Variants in CTNNA2 observed in about 807,000 individuals in gnomAD.
The protein encoded by CTNNA2 is catenin alpha 2.
Under a neutral mutation model 101.0 loss-of-function variants are expected in CTNNA2, and 42 were observed. The ratio of observed to expected loss-of-function variants is 0.42; its 90% CI spans 0.32 to 0.54. The LOEUF is 0.54. Ranked by LOEUF, CTNNA2 falls within the 20% of genes least tolerant of loss-of-function variation. CTNNA2 has a pLI of 0.14. For synonymous variants in CTNNA2, 450 were observed against 456.4 expected, an observed-to-expected ratio of 0.99 and a Z score of 0.18; for missense variants, 871 against 1,223.1, an observed-to-expected ratio of 0.71 and a Z score of 4.29.
intron 1 of CTNNA2, among the ~76,000 whole-genome samples, chr2:79,595,125 C>T (rs545895682): frequency 2.0e-5 from 3 of 152,240 alleles, no homozygotes; most frequent in South Asian, 2.1e-4. Context: ...TAGCCAGTTT[C>T]GACTGTCATA....
intron 7 of CTNNA2, among the ~76,000 whole-genome samples, chr2:80,168,725 A>G (rs772927687): frequency 3.9e-5 from 6 of 152,110 alleles, no homozygotes; most frequent in African/African-American, 1.4e-4. Flanking sequence ...TGCTTTCCAT[A>G]TCAATTAAAT....
chr2:80,538,123 A>G (rs1482595528), intron 9 of CTNNA2, among the ~76,000 whole-genome samples: 4 of 151,190 alleles, frequency 2.6e-5, no homozygotes, highest in Non-Finnish European at 5.9e-5. Context: ...TGGAAATTAG[A>G]TCTTTGTCAG....
At chr2:79,788,429 GACA>G (rs1321589481) in intron 3 of CTNNA2, among the ~76,000 whole-genome samples, 1 of 152,100 alleles carries the variant, frequency 6.6e-6, no homozygotes, top group Admixed American at 6.6e-5. Flanking sequence ...CATAAGAAAT[GACA>G]ACATTAATGA....
chr2:80,412,638 G>C (rs1243917733), intron 8 of CTNNA2, among the ~76,000 whole-genome samples: 1 of 152,138 alleles, frequency 6.6e-6, no homozygotes, highest in African/African-American at 2.4e-5. Flanking sequence ...CAACAGTGTA[G>C]TGTTAACAGT....
intron 7 of CTNNA2, among the ~76,000 whole-genome samples, chr2:80,225,891 G>A (rs1276206302): frequency 3.3e-5 from 5 of 152,144 alleles, no homozygotes. Flanking sequence ...GTGGATTTGT[G>A]TTGTTTTAAG....
chr2:80,575,056 A>T lies in CTNNA2; in HGVS notation c.1893+742A>T, dbSNP rs1694921873. 7 of 152,358 alleles carry T rather than the reference A, an allele frequency of 4.6e-5. No individual in the cohort carries two copies. The South Asian group carries it at 1.4e-3, about 32-fold the overall frequency. 9.4% of individuals were successfully genotyped at this position (152,358 alleles called of 1,614,324 possible). A position where few individuals can be genotyped will look rare whatever the true frequency, so the allele number is the denominator to read the frequency against. ...TTTAACTGCTGTATAATCCATTATA[A>T]GATGACTTTTTTCTCCTTATCTTAC... On this transcript the variant is annotated intron_variant, in intron 13 of 18. Transcript: ENST00000402739.
intron 2 of CTNNA2, among the ~76,000 whole-genome samples, chr2:79,225,720 G>C (rs1002584862): frequency 6.6e-6 from 1 of 152,118 alleles, no homozygotes; most frequent in Admixed American, 6.6e-5. Flanking sequence ...GAATGAGATT[G>C]GTTTCCACTG....
intron 7 of CTNNA2, among the ~76,000 whole-genome samples, chr2:80,195,400 T>C (rs1326093609): frequency 6.6e-6 from 1 of 152,198 alleles, no homozygotes; most frequent in East Asian, 1.9e-4. Flanking sequence ...TATTTTGGTT[T>C]GTGAATCTTG....
intron 9 of CTNNA2, among the ~76,000 whole-genome samples, chr2:80,498,299 G>A (rs533630837): frequency 2.6e-5 from 4 of 152,212 alleles, no homozygotes; most frequent in Non-Finnish European, 5.9e-5. Flanking sequence ...GATGAGCCTA[G>A]CTGAGCTATT....
intron 7 of CTNNA2, among the ~76,000 whole-genome samples, chr2:80,021,176 T>C (rs1289040332): frequency 6.6e-6 from 1 of 151,678 alleles, no homozygotes; most frequent in African/African-American, 2.4e-5. Context: ...CATGCCACCA[T>C]GCCTGGCTAA....
chr2:79,284,757 G>T (rs1478048068), intron 2 of CTNNA2, among the ~76,000 whole-genome samples: 1 of 150,326 alleles, frequency 6.7e-6, no homozygotes, highest in African/African-American at 2.5e-5. Flanking sequence ...CTTGGTATCC[G>T]GATGATGCTG....
At chr2:80,165,265 C>T (rs1213072492) in intron 7 of CTNNA2, among the ~76,000 whole-genome samples, 1 of 150,860 alleles carries the variant, frequency 6.6e-6, no homozygotes, top group African/African-American at 2.4e-5. Flanking sequence ...CTCTGTTGTT[C>T]AAAAGATTGG....
At chr2:80,073,371 TC>T (rs1409238363) in intron 7 of CTNNA2, among the ~76,000 whole-genome samples, 4 of 152,082 alleles carry the variant, frequency 2.6e-5, no homozygotes, top group African/African-American at 9.7e-5. Context: ...AGGGCAGAGA[TC>T]ATCAGAGATT....
intron 6 of CTNNA2, among the ~76,000 whole-genome samples, chr2:79,886,075 C>T (rs1041478419): frequency 7.2e-5 from 11 of 152,144 alleles, no homozygotes; most frequent in East Asian, 1.9e-4. Flanking sequence ...CAGCTATAGA[C>T]GCTGCAATGC....
intron 7 of CTNNA2, among the ~76,000 whole-genome samples, chr2:80,148,087 A>T (rs1319377556): frequency 1.3e-5 from 2 of 152,208 alleles, no homozygotes; most frequent in Non-Finnish European, 2.9e-5. Flanking sequence ...AGCTCAGTTT[A>T]TAATATAGGC....
intron 1 of CTNNA2, among the ~76,000 whole-genome samples, chr2:79,554,768 T>C (rs936827214): frequency 3.3e-5 from 5 of 152,142 alleles, no homozygotes; most frequent in African/African-American, 1.2e-4. Flanking sequence ...GAAATGGAGG[T>C]TATTGTCATT....
intron 7 of CTNNA2, among the ~76,000 whole-genome samples, chr2:79,934,515 T>C (rs1277476839): frequency 6.6e-6 from 1 of 152,236 alleles, no homozygotes; most frequent in Non-Finnish European, 1.5e-5. Flanking sequence ...CAGGTGGGAC[T>C]TGAGTTTACA....
At position 79,335,957 on chromosome 2, in the gene CTNNA2, A is replaced by G. The variant is rs539572770; in HGVS notation, c.-318+23161A>G. On this transcript the variant is annotated intron_variant, in intron 3 of 21. Transcript: ENST00000466387. ...AAGTCAAAAGCACAGACATTAAACA[A>G]TGAACGAGAAAGTCAGTCACGTTAG... Among the ~76,000 whole-genome samples, 4 of 152,340 alleles carry G rather than the reference A, an allele frequency of 2.6e-5. No homozygotes were observed. In the East Asian group the frequency reaches 5.8e-4, roughly 22 times the overall value.
chr2:79,338,575 ATCATCTTCTTCTTCTTCTTCT>A lies in CTNNA2; in HGVS notation c.-318+25782_-318+25802del, dbSNP rs1364861133. 3.3e-3 allele frequency among the ~76,000 whole-genome samples: 379 copies of A among 115,518 alleles called. 1 individual carries two copies. The highest frequency in any genetic ancestry group is 0.012 in the African/African-American group (359 of 29,446). The allele number at this position is 115,518 out of a possible 152,430, so 75.8% of individuals were successfully genotyped here. A position where few individuals can be genotyped will look rare whatever the true frequency, so the allele number is the denominator to read the frequency against. On this transcript the variant is annotated intron_variant, in intron 3 of 21. Transcript: ENST00000466387. ...ATTTTTCTTCTTCTTCTTCCTCCTC[ATCATCTTCTTCTTCTTCTTCT>A]TCTTCTTCTTCTTCTTCTTCTTCTT...
Sources: gnomAD v4.1 joint callset for allele counts (sites outside exome capture counted in the v4.1 genomes callset) on GRCh38, gnomAD v4.1.1 for gene constraint, MANE v1.5 for transcripts, NCBI Gene and HGNC (gene_info 2026-07-23, HGNC 2026-07-21) for gene names.